Variants in ARHGAP32 observed in about 807,000 individuals in gnomAD.
The protein encoded by ARHGAP32 is Rho GTPase activating protein 32.
A neutral mutation model predicts 186.5 loss-of-function variants in ARHGAP32; 51 were observed. That is an observed-to-expected ratio of 0.27 (90% confidence interval 0.22 to 0.35). The LOEUF is 0.35. Among genes scored for constraint, ARHGAP32 ranks in the 10% least tolerant of loss-of-function variants. The pLI is 1.00. For synonymous variants in ARHGAP32, 950 were observed against 964.3 expected (o/e 0.99, Z 0.27); for missense variants, 2,186 against 2,623.5 (o/e 0.83, Z 3.64).
chr11:129,194,833 A>C (rs1819025583), upstream of ARHGAP32, among the ~76,000 whole-genome samples: 2 of 152,120 alleles, frequency 1.3e-5, no homozygotes, highest in South Asian at 2.1e-4. Context: ...ACTAATTTTA[A>C]ATAGAATCTT....
At chr11:128,981,282 G>C in intron 17 of ARHGAP32, 134 bp downstream of exon 17, 1 of 901,114 alleles carries the variant, frequency 1.1e-6, no homozygotes, top group South Asian at 2.0e-5. Flanking sequence ...GTGCATTTTG[G>C]TAAGCAGCCA....
chr11:128,996,627 CAGTA>C (rs530084839), intron 12 of ARHGAP32, among the ~76,000 whole-genome samples: 337 of 152,142 alleles, frequency 2.2e-3, no homozygotes, highest in African/African-American at 8.0e-3. Context: ...TTAATTATCT[CAGTA>C]TGTATTATAA....
chr11:129,032,341 G>A (rs1436737570), intron 11 of ARHGAP32, among the ~76,000 whole-genome samples: 3 of 152,174 alleles, frequency 2.0e-5, no homozygotes, highest in African/African-American at 7.2e-5. Flanking sequence ...CCTGCGTGCT[G>A]CCCCTGAGCT....
chr11:128,967,132 A>G lies in ARHGAP32; in HGVS notation c.*1775T>C, dbSNP rs1343031534. 1.3e-5 allele frequency: 2 copies of G among 152,230 alleles called. No homozygotes were observed. Among genetic ancestry groups the G allele is most frequent in the Non-Finnish European group, 2.9e-5 (2 of 68,038 alleles). 9.4% of individuals were successfully genotyped at this position (152,230 alleles called of 1,614,324 possible). On this transcript the variant is annotated 3_prime_UTR_variant, in exon 23 of 23. Coordinates refer to ENST00000682385, the MANE Select transcript of ARHGAP32 (RefSeq NM_001378024.1). ...AGAAAACCTTATAGAATATTTCCAC[A>G]TATCAATGTGTTGTTCTTGAAACAT...
intron 5 of ARHGAP32, among the ~76,000 whole-genome samples, chr11:129,117,688 T>C (rs1026802632): frequency 6.6e-6 from 1 of 151,978 alleles, no homozygotes; most frequent in South Asian, 2.1e-4. Flanking sequence ...TTGTATGAAA[T>C]TGGATAAAAA....
chr11:129,233,059 G>A (rs538668533), intron 1 of ARHGAP32, among the ~76,000 whole-genome samples: 2 of 152,050 alleles, frequency 1.3e-5, no homozygotes, highest in African/African-American at 2.4e-5. Flanking sequence ...TTCCAATAAA[G>A]TATTTATTTT....
At chr11:129,229,545 A>G (rs1379372630) in intron 1 of ARHGAP32, among the ~76,000 whole-genome samples, 1 of 152,106 alleles carries the variant, frequency 6.6e-6, no homozygotes, top group African/African-American at 2.4e-5. Flanking sequence ...TACCACCACT[A>G]TCACCACTAC....
At chr11:129,140,940 T>C (rs747504524) in intron 2 of ARHGAP32, among the ~76,000 whole-genome samples, 4 of 152,178 alleles carry the variant, frequency 2.6e-5, no homozygotes, top group Non-Finnish European at 4.4e-5. Flanking sequence ...TTCCAAGGTG[T>C]CTACCACTGT....
intron 10 of ARHGAP32, among the ~76,000 whole-genome samples, chr11:129,060,799 A>G (rs1233360980): frequency 7.1e-6 from 1 of 140,194 alleles, no homozygotes; most frequent in African/African-American, 2.6e-5. Flanking sequence ...AAAAATCAAC[A>G]CTTATTGATT....
chr11:129,229,483 TACC>T (rs1448915110), intron 1 of ARHGAP32, among the ~76,000 whole-genome samples: 2 of 152,200 alleles, frequency 1.3e-5, no homozygotes, highest in Non-Finnish European at 2.9e-5. Context: ...TATCAAATGC[TACC>T]AATTATCAAA....
At chr11:129,183,589 A>G (rs11221595) in intron 1 of ARHGAP32, among the ~76,000 whole-genome samples, 3 of 152,086 alleles carry the variant, frequency 2.0e-5, no homozygotes, top group East Asian at 3.9e-4. Context: ...TTTTTCTTCC[A>G]TTGTATCTTC....
chr11:129,088,249 C>T (rs566656054), intron 6 of ARHGAP32, among the ~76,000 whole-genome samples: 3 of 152,310 alleles, frequency 2.0e-5, no homozygotes, highest in Non-Finnish European at 4.4e-5. Context: ...AGATATAAAA[C>T]AAGAACTTTA....
chr11:129,207,595 T>C (rs181533306), intron 1 of ARHGAP32, among the ~76,000 whole-genome samples: 137 of 152,230 alleles, frequency 9.0e-4, no homozygotes, highest in African/African-American at 3.2e-3. Flanking sequence ...TTTTTTTATA[T>C]AAATTTGTTT....
At chr11:129,179,174 C>A (rs1007338578) in intron 1 of ARHGAP32, among the ~76,000 whole-genome samples, 1 of 151,978 alleles carries the variant, frequency 6.6e-6, no homozygotes, top group Non-Finnish European at 1.5e-5. Context: ...ATTTATGCAG[C>A]CAAAAAACAT....
Position 129,046,380 on chromosome 11 carries a change from C to T in ARHGAP32, c.964-5371G>A, listed in dbSNP as rs535754005. Among the ~76,000 whole-genome samples the T allele has an allele frequency of 3.4e-5, 5 of 145,172 alleles. 1 individual carries two copies. The highest frequency in any genetic ancestry group is 1.4e-4 in the African/African-American group (5 of 36,722). ...ATAATGGCTGTTTTTAACAACTGTC[C>T]TACAAAATTTCACAGTTGGCTCCAG... On this transcript the variant is annotated intron_variant, in intron 10 of 22. Coordinates refer to ENST00000682385, the MANE Select transcript of ARHGAP32 (RefSeq NM_001378024.1).
intron 10 of ARHGAP32, among the ~76,000 whole-genome samples, chr11:129,049,722 T>C (rs1006560353): frequency 1.3e-5 from 2 of 152,228 alleles, no homozygotes; most frequent in Admixed American, 1.3e-4. Flanking sequence ...TGTATTCCTT[T>C]CATTGCTAAG....
At chr11:129,167,810 T>C (rs1046920150) in intron 1 of ARHGAP32, among the ~76,000 whole-genome samples, 6 of 152,318 alleles carry the variant, frequency 3.9e-5, no homozygotes, top group South Asian at 4.1e-4. Context: ...GTGGTTTTCG[T>C]ATAACTTCAT....
chr11:129,200,712 A>T (rs889689927), intron 1 of ARHGAP32, among the ~76,000 whole-genome samples: 2 of 152,198 alleles, frequency 1.3e-5, no homozygotes, highest in African/African-American at 4.8e-5. Context: ...TAGAAAAAAT[A>T]ATACCTTTAT....
intron 5 of ARHGAP32, among the ~76,000 whole-genome samples, chr11:129,116,800 C>A (rs547921840): frequency 1.2e-4 from 18 of 152,094 alleles, no homozygotes; most frequent in African/African-American, 4.3e-4. Context: ...GTCATCAGGA[C>A]AAGTATGACT....
Sources: allele counts gnomAD v4.1 joint callset (sites outside exome capture counted in the v4.1 genomes callset), GRCh38; gene constraint gnomAD v4.1.1; transcripts MANE v1.5; gene names NCBI Gene and HGNC (gene_info 2026-07-23, HGNC 2026-07-21).